SLC35D1: variants seen among roughly 807,000 people sequenced by gnomAD.
SLC35D1 encodes nucleotide sugar transporter SLC35D1.
Under a neutral mutation model 46.7 loss-of-function variants are expected in SLC35D1, and 31 were observed. That is an observed-to-expected ratio of 0.66 (90% confidence interval 0.50 to 0.90). The LOEUF (loss-of-function observed/expected upper bound fraction) is 0.90. SLC35D1 is among the 40% of genes least tolerant of loss of function. SLC35D1 has a pLI of 0.00. For synonymous variants in SLC35D1, 195 were observed against 164.6 expected (o/e 1.18, Z -1.41); for missense variants, 397 against 426.2 (o/e 0.93, Z 0.60).
chr1:67,045,434 T>G (rs1645242478), intron 7 of SLC35D1, among the ~76,000 whole-genome samples: 1 of 152,232 alleles, frequency 6.6e-6, no homozygotes, highest in Non-Finnish European at 1.5e-5. Context: ...ATTTCTGTCT[T>G]TTACAATCTG....
Position 67,008,476 on chromosome 1 carries a change from G to A in SLC35D1, c.959+609C>T, listed in dbSNP as rs755840753. 3.1e-6 allele frequency: 4 copies of A among 1,287,306 alleles called. No individual in the cohort carries two copies. The East Asian group carries it at 2.2e-4, about 72-fold the overall frequency. 79.7% of individuals were successfully genotyped at this position (1,287,306 alleles called of 1,614,324 possible). On this transcript the variant is annotated intron_variant, in intron 11 of 11. Coordinates refer to ENST00000235345, the MANE Select transcript of SLC35D1 (RefSeq NM_015139.3). ...GGAGACACCAGAAAAAAAAGACAAAGTTACAGTTCCTGAGACAGGGGCCTT... is the reference window on the plus strand; with the variant it reads ...GGAGACACCAGAAAAAAAAGACAAAATTACAGTTCCTGAGACAGGGGCCTT...
chr1:67,010,822 G>A (rs1249724459), intron 10 of SLC35D1, among the ~76,000 whole-genome samples: 2 of 152,150 alleles, frequency 1.3e-5, no homozygotes, highest in Non-Finnish European at 2.9e-5. Context: ...TTAACATACA[G>A]TAATTAAGAT....
At chr1:67,021,378 C>T (rs552322052) in intron 9 of SLC35D1, among the ~76,000 whole-genome samples, 157 bp downstream of exon 9, 2 of 152,236 alleles carry the variant, frequency 1.3e-5, no homozygotes, top group Admixed American at 1.3e-4. Context: ...CCTAAGAGCA[C>T]ATTCCCAAGA....
rs1399858480 is a variant in SLC35D1, at chr1:67,052,959, G to A, written c.234C>T (p.Gly78=). Residue 78 remains glycine, a synonymous_variant, in exon 2 of 12, where the codon GGC becomes GGT. Transcript: ENST00000235345. ...RFPSSLCVGL[G]QMVATVAVLW... is the part of the protein sequence containing the mutation. ...AATGGTGAGGATTCCAACTAACCTG[G>A]CCAAGTCCAACACATAGTGAGGAGG... The A allele has an allele frequency of 6.2e-7, 1 of 1,613,898 alleles. No homozygotes were observed. Among genetic ancestry groups the A allele is most frequent in the Non-Finnish European group, 8.5e-7 (1 of 1,180,044 alleles).
intron 10 of SLC35D1, among the ~76,000 whole-genome samples, chr1:67,014,806 T>C (rs1667647655): frequency 1.3e-5 from 2 of 151,456 alleles, no homozygotes; most frequent in Non-Finnish European, 2.9e-5. Context: ...TGTGAGCTTA[T>C]GTCTGTAAAT....
chr1:67,012,197 C>G (rs114621088), intron 10 of SLC35D1, among the ~76,000 whole-genome samples: 4,507 of 152,240 alleles, frequency 0.03, 116 homozygotes, highest in Middle Eastern at 0.11. Context: ...CCTTTGTTGC[C>G]TGGTTAGTAC....
Position 67,021,586 on chromosome 1 carries a change from C to A in SLC35D1, c.746G>T (p.Gly249Val). The A allele has an allele frequency of 6.2e-7, 1 of 1,613,934 alleles. No homozygotes were observed. The highest frequency in any genetic ancestry group is 8.5e-7 in the Non-Finnish European group (1 of 1,179,886). Residue 249 changes from glycine to valine, a missense_variant, in exon 9 of 12, where the codon GGC becomes GTC. Physicochemically the swap from Gly to Val is moderately radical, Grantham distance 109. Coordinates refer to ENST00000235345, the MANE Select transcript of SLC35D1 (RefSeq NM_015139.3). ...CAGAAGAAAGAGGGTGTCAGCCCAG[C>A]CTTCAAACTCCACAGCCTGCAACAC... ...GDAQKAVEFE[G>V]WADTLFLLQF...
At chr1:67,046,456 G>A (rs1645251921) in intron 7 of SLC35D1, among the ~76,000 whole-genome samples, 1 of 152,150 alleles carries the variant, frequency 6.6e-6, no homozygotes, top group Non-Finnish European at 1.5e-5. Context: ...TAAAGTCATG[G>A]TCAGTTACAA....
At chr1:67,015,600 G>A (rs1667669023) in intron 10 of SLC35D1, among the ~76,000 whole-genome samples, 1 of 152,150 alleles carries the variant, frequency 6.6e-6, no homozygotes, top group African/African-American at 2.4e-5. Context: ...TGTTGGCCAG[G>A]TTGGTCTAAA....
Position 67,001,148 on chromosome 1 carries a change from C to G in SLC35D1, c.*3192G>C, listed in dbSNP as rs1288916654. 6.6e-6 allele frequency: 1 copy of G among 152,246 alleles called. No homozygotes were observed. Among genetic ancestry groups the G allele is most frequent in the Non-Finnish European group, 1.5e-5 (1 of 68,026 alleles). The allele number at this position is 152,246 out of a possible 1,614,324, so 9.4% of individuals were successfully genotyped here. On this transcript the variant is annotated 3_prime_UTR_variant, in exon 12 of 12. Coordinates refer to ENST00000235345, the MANE Select transcript of SLC35D1 (RefSeq NM_015139.3). The stretch of plus-strand genomic sequence containing the variant: ...GCTCACTAAGTCTTTGCTCACTGAA[C>G]GAGGCTATCAAGTAAGGCAGGCCCA...
chr1:66,990,510 G>A, the SLC35D1 span, among the ~76,000 whole-genome samples: 5 of 151,884 alleles, frequency 3.3e-5, no homozygotes, highest in Admixed American at 6.6e-5. Flanking sequence ...CAAGCAATCC[G>A]CCTGCCCCAG....
At chr1:66,989,096 TA>T in the SLC35D1 span, among the ~76,000 whole-genome samples, 8 of 151,096 alleles carry the variant, frequency 5.3e-5, no homozygotes, top group African/African-American at 1.5e-4. Context: ...TTTTGTCTTT[TA>T]AAAAAAAAAT....
intron 8 of SLC35D1, among the ~76,000 whole-genome samples, chr1:67,024,703 G>A (rs1484257343): frequency 6.6e-6 from 1 of 152,052 alleles, no homozygotes; most frequent in Non-Finnish European, 1.5e-5. Context: ...TTCACATGGT[G>A]TTCTCCCTGT....
chr1:67,037,661 A>G (rs1359135920), intron 8 of SLC35D1, among the ~76,000 whole-genome samples: 2 of 152,210 alleles, frequency 1.3e-5, no homozygotes, highest in African/African-American at 4.8e-5. Flanking sequence ...ACCATTCCCC[A>G]TTTCTGAATC....
At chr1:67,047,626 G>C (rs1476540033) in intron 6 of SLC35D1, among the ~76,000 whole-genome samples, 5 of 152,098 alleles carry the variant, frequency 3.3e-5, no homozygotes, top group Non-Finnish European at 7.4e-5. Flanking sequence ...ATAGCACACC[G>C]CTCTGCATTC....
chr1:67,040,716 C>T, intron 8 of SLC35D1, among the ~76,000 whole-genome samples: 1 of 152,178 alleles, frequency 6.6e-6, no homozygotes, highest in Non-Finnish European at 1.5e-5. Flanking sequence ...GGACTTGGAA[C>T]CTGCTCTTCC....
At chr1:67,011,919 CCTTTAT>C (rs60203661) in intron 10 of SLC35D1, among the ~76,000 whole-genome samples, 28,887 of 151,994 alleles carry the variant, frequency 0.19, 5,012 homozygotes, top group African/African-American at 0.47. Flanking sequence ...ATAGTCTTTT[CCTTTAT>C]CTTTGTCTTT....
At chr1:67,037,144 T>C (rs1013857657) in intron 8 of SLC35D1, among the ~76,000 whole-genome samples, 5 of 152,176 alleles carry the variant, frequency 3.3e-5, no homozygotes, top group Non-Finnish European at 7.4e-5. Flanking sequence ...TATTGTACTG[T>C]CAATGTGTTG....
At chr1:67,050,318 G>T in intron 5 of SLC35D1, 115 bp downstream of exon 5, 3 of 772,724 alleles carry the variant, frequency 3.9e-6, no homozygotes, top group Non-Finnish European at 6.5e-6. Flanking sequence ...AGAGAGGGTT[G>T]CTTAAACTTC....
Sources: allele counts gnomAD v4.1 joint callset (sites outside exome capture counted in the v4.1 genomes callset), GRCh38; gene constraint gnomAD v4.1.1; transcripts MANE v1.5; gene names NCBI Gene and HGNC (gene_info 2026-07-23, HGNC 2026-07-21).